BEND6: variants seen among roughly 807,000 people sequenced by gnomAD.
The protein encoded by BEND6 is BEN domain containing 6.
In BEND6, 24 loss-of-function variants were observed where a neutral mutation model predicts 31.8. The observed-to-expected ratio is 0.75, with a 90% CI of 0.55 to 1.06. The LOEUF (loss-of-function observed/expected upper bound fraction) is 1.06. Among genes scored for constraint, BEND6 ranks in the 50% least tolerant of loss-of-function variants. The probability of loss-of-function intolerance (pLI) is 0.00; values close to 1 mark genes in which losing one functional copy is unlikely to be tolerated. For missense variants in BEND6, 294 were observed against 327.4 expected, an observed-to-expected ratio of 0.90 and a Z score of 0.79; for synonymous variants, 109 against 114.6, an observed-to-expected ratio of 0.95 and a Z score of 0.31.
At position 57,015,571 on chromosome 6, in the gene BEND6, C is replaced by T. The variant is rs796612487; in HGVS notation, c.519+218C>T. Among the ~76,000 whole-genome samples the T allele has an allele frequency of 1.1e-4, 17 of 151,184 alleles. No homozygotes were observed. The East Asian group carries it at 1.2e-3, about 10-fold the overall frequency. On this transcript the variant is annotated intron_variant, in intron 4 of 6. Coordinates refer to ENST00000370746, the MANE Select transcript of BEND6 (RefSeq NM_152731.3). ...ATCCCAGCACTTTGGGAGGCTGAGG[C>T]GGGCAGATCATGAGGTCAGATCGAG...
At chr6:56,966,138 G>A (rs1825470510) in intron 1 of BEND6, among the ~76,000 whole-genome samples, 1 of 152,074 alleles carries the variant, frequency 6.6e-6, no homozygotes, top group Non-Finnish European at 1.5e-5. Flanking sequence ...GTCTTGCTCT[G>A]TCACCCAGGC....
In BEND6 at chr6:57,008,035, C is replaced by A; in HGVS notation, c.299-7098C>A. ...GTGCCTTCATGCAGTATAGCATTGG[C>A]CTAAGTCTACTGGTAACTAATTTTG... On this transcript the variant is annotated intron_variant, in intron 3 of 6. Coordinates refer to ENST00000370746, the MANE Select transcript of BEND6 (RefSeq NM_152731.3). 4 of 634,996 alleles carry A rather than the reference C, an allele frequency of 6.3e-6. No individual in the cohort carries two copies. In the South Asian group the frequency reaches 7.6e-5, roughly 12 times the overall value. The allele number at this position is 634,996 out of a possible 1,614,324, so 39.3% of individuals were successfully genotyped here.
chr6:56,981,660 A>G, intron 1 of BEND6, 51 bp from the exon 2 acceptor site: 1 of 761,894 alleles, frequency 1.3e-6, no homozygotes, highest in Non-Finnish European at 2.1e-6. Context: ...CCATTATGAA[A>G]CATACAGTTG....
chr6:57,018,476 A>C lies in BEND6; in HGVS notation c.768A>C (p.Ile256=). The change falls in exon 6 of 7, where the codon ATA becomes ATC. Residue 256 remains isoleucine, a synonymous_variant. Transcript: ENST00000370746. ...ATGATGTTTCAATTAGGAGAATGAT[A>C]GGGCAAAAGCTAAACAACTGTACCA... ...NTDDVSIRRM[I]GQKLNNCTKK... 1 of 1,592,734 alleles carries C rather than the reference A, an allele frequency of 6.3e-7. No homozygotes were observed. Among genetic ancestry groups the C allele is most frequent in the Non-Finnish European group, 8.5e-7 (1 of 1,172,778 alleles).
intron 1 of BEND6, among the ~76,000 whole-genome samples, chr6:56,965,616 A>G (rs1488216105): frequency 6.6e-6 from 1 of 150,854 alleles, no homozygotes; most frequent in African/African-American, 2.4e-5. Context: ...AAGCCTTGAT[A>G]GCGCCGCTGC....
intron 1 of BEND6, 28 bp from the exon 2 acceptor site, chr6:56,981,683 G>A: frequency 1.0e-6 from 1 of 987,152 alleles, no homozygotes; most frequent in Non-Finnish European, 1.5e-6. Flanking sequence ...AATATGTTAT[G>A]TGTCATGTTT....
At chr6:56,970,486 T>C (rs1592973412) in intron 1 of BEND6, among the ~76,000 whole-genome samples, 1 of 152,158 alleles carries the variant, frequency 6.6e-6, no homozygotes, top group East Asian at 1.9e-4. Context: ...CAACCACATA[T>C]TGTAAGTGTT....
chr6:56,992,382 A>T lies in BEND6; in HGVS notation c.125A>T (p.Asp42Val), dbSNP rs1826537184. 6.2e-7 allele frequency: 1 copy of T among 1,604,204 alleles called. No individual in the cohort carries two copies. Among genetic ancestry groups the T allele is most frequent in the East Asian group, 2.2e-5 (1 of 44,780 alleles). Residue 42 changes from aspartate (D) to valine (V), a missense_variant, in exon 3 of 7, where the codon GAC becomes GTC. Transcript: ENST00000370746. The stretch of plus-strand genomic sequence containing the variant: ...TGTGCCTGCCTTCTATTTTAGAGAG[A>T]CCCATATTCGGGAAATGCCTTTCTG... Reference protein sequence around the residue: ...ANSDMDKGQRDPYSGNAFLPG... With the variant: ...ANSDMDKGQRVPYSGNAFLPG...
chr6:56,959,483 G>A (rs1825214296), intron 1 of BEND6, among the ~76,000 whole-genome samples: 1 of 152,108 alleles, frequency 6.6e-6, no homozygotes, highest in Non-Finnish European at 1.5e-5. Flanking sequence ...TAAATTATTA[G>A]AAATAAAGCA....
chr6:56,975,106 A>C (rs565073909), intron 1 of BEND6, among the ~76,000 whole-genome samples: 1 of 152,276 alleles, frequency 6.6e-6, no homozygotes, highest in South Asian at 2.1e-4. Context: ...AACAAAAGCG[A>C]AACTGTCTCA....
At chr6:56,968,731 C>A (rs1825579488) in intron 1 of BEND6, among the ~76,000 whole-genome samples, 1 of 152,036 alleles carries the variant, frequency 6.6e-6, no homozygotes, top group African/African-American at 2.4e-5. Flanking sequence ...TTTTTTTAAT[C>A]ATGATATTGC....
chr6:56,982,051 T>C (rs1826091563), intron 2 of BEND6, 121 bp downstream of exon 2: 3 of 1,148,644 alleles, frequency 2.6e-6, no homozygotes, highest in Middle Eastern at 3.1e-4. Context: ...CATTTCTTTA[T>C]TCAATGGAGA....
At chr6:56,984,228 A>C (rs1826173109) in intron 2 of BEND6, among the ~76,000 whole-genome samples, 1 of 150,282 alleles carries the variant, frequency 6.7e-6, no homozygotes, top group Non-Finnish European at 1.5e-5. Flanking sequence ...CTCAACAACA[A>C]AAAAAAAAGC....
At chr6:56,966,564 T>C (rs1825486675) in intron 1 of BEND6, among the ~76,000 whole-genome samples, 1 of 152,348 alleles carries the variant, frequency 6.6e-6, no homozygotes, top group Admixed American at 6.5e-5. Context: ...TTCAGATAGT[T>C]CTGCCTGTGC....
At chr6:57,020,353 C>T (rs1265191523) in intron 6 of BEND6, among the ~76,000 whole-genome samples, 1 of 151,140 alleles carries the variant, frequency 6.6e-6, no homozygotes, top group African/African-American at 2.4e-5. Flanking sequence ...CTCAAGCAAT[C>T]CTTCCACCTT....
intron 3 of BEND6, chr6:57,008,238 G>C (rs757254083): frequency 5.7e-6 from 4 of 702,688 alleles, no homozygotes; most frequent in African/African-American, 1.7e-5. Flanking sequence ...AGCTGCCTCT[G>C]TTACCTTGAC....
chr6:56,975,886 A>T, intron 1 of BEND6: 1 of 526,646 alleles, frequency 1.9e-6, no homozygotes, highest in South Asian at 1.5e-5. Flanking sequence ...CAACACTTGC[A>T]GGTTCAACAA....
At chr6:57,014,207 T>C (rs893254039) in intron 3 of BEND6, among the ~76,000 whole-genome samples, 1 of 152,252 alleles carries the variant, frequency 6.6e-6, no homozygotes, top group African/African-American at 2.4e-5. Context: ...GCTTAATAAA[T>C]GTTTTTGAAA....
chr6:56,989,036 G>GTAAATAAA (rs545806174), intron 2 of BEND6, among the ~76,000 whole-genome samples: 1 of 147,504 alleles, frequency 6.8e-6, no homozygotes, highest in African/African-American at 2.5e-5. Flanking sequence ...ATCTCAAAAA[G>GTAAATAAA]TAAATAAATA....
Sources: allele counts gnomAD v4.1 joint callset (sites outside exome capture counted in the v4.1 genomes callset), GRCh38; gene constraint gnomAD v4.1.1; transcripts MANE v1.5; gene names NCBI Gene and HGNC (gene_info 2026-07-23, HGNC 2026-07-21).